The following MED14 variants were observed in gnomAD, a reference collection of about 807,000 sequenced individuals.
MED14 encodes mediator of RNA polymerase II transcription subunit 14.
A neutral mutation model predicts 109.0 loss-of-function variants in MED14; 8 were observed. That is an observed-to-expected ratio of 0.07 (90% confidence interval 0.04 to 0.13). The LOEUF is 0.13. MED14 is among the 10% of genes least tolerant of loss of function. MED14 has a pLI of 1.00. For synonymous variants in MED14, 399 were observed against 408.7 expected, an observed-to-expected ratio of 0.98 and a Z score of 0.29; for missense variants, 711 against 1,142.4, an observed-to-expected ratio of 0.62 and a Z score of 5.44.
intron 30 of MED14, chrX:40,653,944 G>A (rs923871512): frequency 4.1e-5 from 5 of 121,896 alleles, no homozygotes; most frequent in African/African-American, 1.6e-4. Context: ...TCTTCTATTC[G>A]TGATTGAACC....
In MED14 at chrX:40,735,428, G is replaced by C. The variant is rs1229235637; in HGVS notation, c.-16C>G. ...CTGGGGCCATGGCGGCGCAGGACCG[G>C]GCTTGGCGCAACGGCACACGATGCG... On this transcript the variant is annotated 5_prime_UTR_variant, in exon 1 of 31. Transcript: ENST00000324817. 4.0e-5 allele frequency: 45 copies of C among 1,120,233 alleles called. No homozygotes were observed. Among genetic ancestry groups the C allele is most frequent in the Non-Finnish European group, 4.0e-5 (34 of 848,588 alleles). The allele number at this position is 1,120,233 out of a possible 1,213,427, so 92.3% of individuals were successfully genotyped here.
At chrX:40,669,008 A>C (rs987153450) in intron 23 of MED14, among the ~76,000 whole-genome samples, 1 of 111,867 alleles carries the variant, frequency 8.9e-6, no homozygotes, top group Non-Finnish European at 1.9e-5. Context: ...ACTTTCAATC[A>C]GTATGTTGAT....
chrX:40,649,962 T>C lies in MED14; in HGVS notation c.*1844A>G. The C allele has an allele frequency of 1.3e-6, 1 of 751,375 alleles. No homozygotes were observed. The highest frequency in any genetic ancestry group is 1.6e-6 in the Non-Finnish European group (1 of 635,993). The allele number at this position is 751,375 out of a possible 1,213,427, so 61.9% of individuals were successfully genotyped here. A position where few individuals can be genotyped will look rare whatever the true frequency, so the allele number is the denominator to read the frequency against. On this transcript the variant is annotated 3_prime_UTR_variant, in exon 31 of 31. Coordinates refer to ENST00000324817, the MANE Select transcript of MED14 (RefSeq NM_004229.4). ...ATGCAATTAACATTTCAAAACCACA[T>C]TAAAAGGGAAAATACCTAAAAAGTT...
chrX:40,735,570 G>A (rs1327198279), upstream of MED14: 4 of 559,271 alleles, frequency 7.2e-6, no homozygotes, highest in Non-Finnish European at 1.2e-5. Context: ...GCGGAAGCCC[G>A]CCCCCATGTA....
At position 40,663,166 on chromosome X, in the gene MED14, G is replaced by A. The variant is rs989632896; in HGVS notation, c.3449-6C>T. 8.6e-7 allele frequency: 1 copy of A among 1,168,864 alleles called. No homozygotes were observed. Among genetic ancestry groups the A allele is most frequent in the Non-Finnish European group, 1.2e-6 (1 of 859,348 alleles). Reference sequence around the variant, plus strand: ...TGTTGGCATTGTTTGAGAACCTTTTGGGAAGGAAAACATGTTATGTCATTT... The same window carrying A: ...TGTTGGCATTGTTTGAGAACCTTTTAGGAAGGAAAACATGTTATGTCATTT... On this transcript the variant is annotated splice_polypyrimidine_tract_variant and splice_region_variant and intron_variant, in intron 25 of 30. Coordinates refer to ENST00000324817, the MANE Select transcript of MED14 (RefSeq NM_004229.4).
chrX:40,682,624 C>T lies in MED14; in HGVS notation c.2344G>A (p.Glu782Lys), dbSNP rs1276091551. 1 of 1,180,003 alleles carries T rather than the reference C, an allele frequency of 8.5e-7. No homozygotes were observed. The highest frequency in any genetic ancestry group is 1.1e-6 in the Non-Finnish European group (1 of 879,687). ...GTACCTGGTAGAGAACGTGCAAATTCCAACACACACTCATATAATCGTGCA... is the reference window on the plus strand; with the variant it reads ...GTACCTGGTAGAGAACGTGCAAATTTCAACACACACTCATATAATCGTGCA... ...SIARLYECVL[E>K]FARSLPDIPA... The change falls in exon 18 of 31, where the codon GAA becomes AAA. Residue 782 changes from glutamate to lysine, a missense_variant. Glu to Lys is a moderately conservative substitution (Grantham distance 56). Transcript: ENST00000324817.
At chrX:40,710,227 G>A in intron 8 of MED14, 98 bp from the exon 9 acceptor site, 2 of 494,597 alleles carry the variant, frequency 4.0e-6, no homozygotes, top group Non-Finnish European at 6.3e-6. Context: ...GCCACAGCCT[G>A]GAATACGGCA....
At chrX:40,702,347 T>TTG (rs1555995827) in intron 11 of MED14, among the ~76,000 whole-genome samples, 1 of 50,297 alleles carries the variant, frequency 2.0e-5, no homozygotes, top group Non-Finnish European at 3.1e-5. Context: ...ATAAGTTTTG[T>TTG]TTTTTTTTTT....
In MED14 at chrX:40,655,067, T is replaced by G. The variant is rs770213929; in HGVS notation, c.3973-7A>C. The stretch of plus-strand genomic sequence containing the variant: ...GTGTTGCTTGGTCAGGGAACTATTT[T>G]GAGGGGGAAAAATCAAGATAAAGGC... On this transcript the variant is annotated splice_region_variant and splice_polypyrimidine_tract_variant and intron_variant, in intron 28 of 30. Coordinates refer to ENST00000324817, the MANE Select transcript of MED14 (RefSeq NM_004229.4). 8.3e-7 allele frequency: 1 copy of G among 1,201,579 alleles called. No individual in the cohort carries two copies. Among genetic ancestry groups the G allele is most frequent in the Admixed American group, 2.2e-5 (1 of 45,398 alleles).
intron 12 of MED14, 147 bp downstream of exon 12, chrX:40,701,018 T>C: frequency 2.5e-6 from 1 of 397,944 alleles, no homozygotes; most frequent in Non-Finnish European, 4.4e-6. Flanking sequence ...TCCAAGAGAA[T>C]TTAGATTCTA....
At position 40,711,192 on chromosome X, in the gene MED14, C is replaced by G; in HGVS notation, c.999G>C (p.Lys333Asn). 8.3e-7 allele frequency: 1 copy of G among 1,211,201 alleles called. No homozygotes were observed. Among genetic ancestry groups the G allele is most frequent in the Non-Finnish European group, 1.1e-6 (1 of 895,088 alleles). ...LVQVERYHAG[K>N]CLSLSVWNQQ... ...ACTTCCAAACTGAAAGGGAGAGGCA[C>G]TTTCCAGCATGATACCTTTCCACCT... Residue 333 changes from lysine to asparagine, a missense_variant, in exon 8 of 31, where the codon AAG becomes AAC. Physicochemically the swap from Lys to Asn is moderately conservative, Grantham distance 94. Coordinates refer to ENST00000324817, the MANE Select transcript of MED14 (RefSeq NM_004229.4).
rs763721110 is a variant in MED14, at chrX:40,735,317, G to A, written c.96C>T (p.Pro32=). ...CGGCCGCCGCCACGGCGGCTCCCGG[G>A]GGAGGAGGGGCTGGGGCTGACGGGG... The part of the protein sequence containing the change: ...GGPPSAPAPP[P]PGAAVAAAAA... The change falls in exon 1 of 31, where the codon CCC becomes CCT. Residue 32 remains proline (P), a synonymous_variant. Coordinates refer to ENST00000324817, the MANE Select transcript of MED14 (RefSeq NM_004229.4). 2 of 1,124,091 alleles carry A rather than the reference G, an allele frequency of 1.8e-6. No homozygotes were observed. Among genetic ancestry groups the A allele is most frequent in the Non-Finnish European group, 2.3e-6 (2 of 852,109 alleles). The allele number at this position is 1,124,091 out of a possible 1,213,427, so 92.6% of individuals were successfully genotyped here.
At chrX:40,718,034 A>G (rs1931598721) in intron 3 of MED14, among the ~76,000 whole-genome samples, 1 of 112,142 alleles carries the variant, frequency 8.9e-6, no homozygotes, top group Non-Finnish European at 1.9e-5. Context: ...GATCTTAGAG[A>G]TGAGAAAATT....
chrX:40,672,025 A>G (rs1216248449), intron 22 of MED14, 53 bp from the exon 23 acceptor site: 4 of 717,239 alleles, frequency 5.6e-6, no homozygotes, highest in South Asian at 3.0e-5. Context: ...ACGGAGCATA[A>G]GAGTGTGGCT....
intron 22 of MED14, 32 bp from the exon 23 acceptor site, chrX:40,672,004 T>C: frequency 2.1e-6 from 2 of 942,080 alleles, no homozygotes; most frequent in Admixed American, 2.3e-5. Flanking sequence ...GTTGGTAAAA[T>C]GGCCAACCGC....
Position 40,735,239 on chromosome X carries a change from C to G in MED14, c.174G>C (p.Leu58=), listed in dbSNP as rs1932215570. Residue 58 remains leucine, a synonymous_variant, in exon 1 of 31, where the codon CTG becomes CTC. Coordinates refer to ENST00000324817, the MANE Select transcript of MED14 (RefSeq NM_004229.4). The part of the protein sequence containing the change: ...GYRLSTLIEF[L]LHRAYSELMV... ...TAAGCTCCGAGTAGGCCCGGTGCAG[C>G]AGAAATTCAATGAGGGTGCTCAGCC... 8.7e-7 allele frequency: 1 copy of G among 1,147,580 alleles called. No individual in the cohort carries two copies. The highest frequency in any genetic ancestry group is 2.7e-5 in the Admixed American group (1 of 37,676). 94.6% of individuals were successfully genotyped at this position (1,147,580 alleles called of 1,213,427 possible).
intron 15 of MED14, among the ~76,000 whole-genome samples, chrX:40,689,269 G>A (rs149516381): frequency 0.025 from 2,821 of 112,012 alleles, 83 homozygotes; most frequent in African/African-American, 0.086. Flanking sequence ...AGTGAGCCCT[G>A]CTCTTTGGGC....
At chrX:40,729,612 C>G in intron 1 of MED14, 1 of 327,073 alleles carries the variant, frequency 3.1e-6, no homozygotes, top group Non-Finnish European at 5.3e-6. Context: ...TTAAAAAGCC[C>G]AAGTCCCACA....
At chrX:40,701,894 C>T (rs1261622613) in intron 11 of MED14, among the ~76,000 whole-genome samples, 1 of 111,443 alleles carries the variant, frequency 9.0e-6, no homozygotes, top group East Asian at 2.8e-4. Flanking sequence ...ACCCCTAATC[C>T]TCAGTGTGAT....
Sources: gnomAD v4.1 joint callset for allele counts (sites outside exome capture counted in the v4.1 genomes callset) on GRCh38, gnomAD v4.1.1 for gene constraint, MANE v1.5 for transcripts, NCBI Gene and HGNC (gene_info 2026-07-23, HGNC 2026-07-21) for gene names.